The following CLASP1 variants were observed in gnomAD, a reference collection of about 807,000 sequenced individuals.
The protein encoded by CLASP1 is CLIP-associating protein 1.
Under a neutral mutation model 192.3 loss-of-function variants are expected in CLASP1, and 38 were observed. That is an observed-to-expected ratio of 0.20 (90% confidence interval 0.15 to 0.26). The LOEUF (loss-of-function observed/expected upper bound fraction) is 0.26. Ranked by LOEUF, CLASP1 falls within the 10% of genes least tolerant of loss-of-function variation. The pLI is 1.00. For synonymous variants in CLASP1, 691 were observed against 712.8 expected (o/e 0.97, Z 0.49); for missense variants, 1,433 against 1,932.5 (o/e 0.74, Z 4.85).
At chr2:121,418,530 A>T in intron 23 of CLASP1, 92 bp downstream of exon 23, 1 of 839,154 alleles carries the variant, frequency 1.2e-6, no homozygotes, top group Non-Finnish European at 2.0e-6. Flanking sequence ...AGGACAGTAG[A>T]GGAGGAAAAG....
At chr2:121,549,299 A>C (rs541360756) in intron 2 of CLASP1, among the ~76,000 whole-genome samples, 1 of 152,342 alleles carries the variant, frequency 6.6e-6, no homozygotes, top group Non-Finnish European at 1.5e-5. Flanking sequence ...CTAATTTCAG[A>C]CAAAGAGACT....
chr2:121,402,753 T>C (rs1574373028), intron 26 of CLASP1: 4 of 464,830 alleles, frequency 8.6e-6, no homozygotes, highest in African/African-American at 2.0e-5. Flanking sequence ...ATTATGCTTA[T>C]GAGTTAAATC....
chr2:121,529,372 T>C (rs931314337), intron 3 of CLASP1, among the ~76,000 whole-genome samples: 1 of 152,214 alleles, frequency 6.6e-6, no homozygotes, highest in Admixed American at 6.5e-5. Flanking sequence ...TATCCCTGAA[T>C]AATTCAGCTA....
chr2:121,579,499 T>G (rs1351871125), intron 2 of CLASP1, among the ~76,000 whole-genome samples: 1 of 152,178 alleles, frequency 6.6e-6, no homozygotes, highest in Non-Finnish European at 1.5e-5. Context: ...CTCCTCTCAG[T>G]CCCTGGCAAC....
At chr2:121,415,712 T>TCCACACAAAATAAAAA (rs1371463621) in intron 23 of CLASP1, among the ~76,000 whole-genome samples, 16 of 152,296 alleles carry the variant, frequency 1.1e-4, no homozygotes, top group African/African-American at 3.6e-4. Context: ...AATTTATAGG[T>TCCACACAAAATAAAAA]TTAACAAAAT....
chr2:121,642,845 T>C (rs2072404717), intron 1 of CLASP1, among the ~76,000 whole-genome samples: 1 of 152,160 alleles, frequency 6.6e-6, no homozygotes. Context: ...CCATAAAACA[T>C]GCAAGACCTA....
chr2:121,540,785 C>CAA (rs796543798), intron 2 of CLASP1, among the ~76,000 whole-genome samples: 3 of 85,392 alleles, frequency 3.5e-5, no homozygotes, highest in African/African-American at 1.7e-4. Flanking sequence ...AGACTCCATC[C>CAA]AAAAAAAAAA....
chr2:121,530,853 G>A (rs1273521187), intron 2 of CLASP1: 2 of 668,866 alleles, frequency 3.0e-6, no homozygotes, highest in Middle Eastern at 3.8e-4. Flanking sequence ...GGCGCTTCCT[G>A]CTTGCAGCCC....
intron 18 of CLASP1, 131 bp downstream of exon 18, chr2:121,448,145 C>T: frequency 2.7e-6 from 2 of 747,838 alleles, no homozygotes; most frequent in Non-Finnish European, 4.7e-6. Flanking sequence ...CAGGGCAGAG[C>T]AGGCAACATT....
chr2:121,527,383 A>G (rs2094599316), intron 5 of CLASP1, among the ~76,000 whole-genome samples: 1 of 152,262 alleles, frequency 6.6e-6, no homozygotes, highest in Non-Finnish European at 1.5e-5. Context: ...TCAAAAGGTT[A>G]CATATTGTAT....
At position 121,577,963 on chromosome 2, in the gene CLASP1, C is replaced by T. The variant is rs146403519; in HGVS notation, c.195+27738G>A. 6.7e-3 allele frequency among the ~76,000 whole-genome samples: 1,026 copies of T among 152,190 alleles called. 9 individuals are homozygous for T. The highest frequency in any genetic ancestry group is 0.027 in the Middle Eastern group (8 of 292). On this transcript the variant is annotated intron_variant, in intron 2 of 39. Coordinates refer to ENST00000263710, the Ensembl canonical transcript of CLASP1. ...TAATTGACTGATTGAGAAAGAGTCT[C>T]ACTCTGTCACCCAGGCTAGAGGGCA...
At chr2:121,404,671 T>A (rs965852310) in intron 25 of CLASP1, among the ~76,000 whole-genome samples, 2 of 152,178 alleles carry the variant, frequency 1.3e-5, no homozygotes, top group Admixed American at 1.3e-4. Flanking sequence ...ATAATTCGTA[T>A]CTACATAACA....
At chr2:121,494,162 A>C (rs2093434965) in intron 8 of CLASP1, among the ~76,000 whole-genome samples, 1 of 152,252 alleles carries the variant, frequency 6.6e-6, no homozygotes, top group South Asian at 2.1e-4. Flanking sequence ...TGTTTACTGC[A>C]GCACTGTTCA....
At chr2:121,345,260 G>A (rs570433309) in intron 39 of CLASP1, among the ~76,000 whole-genome samples, 134 of 152,298 alleles carry the variant, frequency 8.8e-4, no homozygotes, top group African/African-American at 3.0e-3. Flanking sequence ...ACTGGGGGAG[G>A]GAAGGCGCTG....
intron 2 of CLASP1, among the ~76,000 whole-genome samples, chr2:121,580,322 C>A (rs1252100803): frequency 3.9e-5 from 6 of 152,146 alleles, no homozygotes; most frequent in African/African-American, 1.4e-4. Context: ...TTAATCATAT[C>A]CTGACAAATA....
At chr2:121,550,455 GGA>G (rs2057931663) in intron 2 of CLASP1, among the ~76,000 whole-genome samples, 1 of 151,730 alleles carries the variant, frequency 6.6e-6, no homozygotes, top group Non-Finnish European at 1.5e-5. Flanking sequence ...GACAAATCCG[GGA>G]GGTTTTAAAA....
chr2:121,465,491 C>G (rs2089358958), intron 9 of CLASP1, among the ~76,000 whole-genome samples: 1 of 152,118 alleles, frequency 6.6e-6, no homozygotes, highest in South Asian at 2.1e-4. Context: ...TTAAGGAGAA[C>G]TACAAACCAC....
At chr2:121,544,909 T>TTTC (rs1244041307) in intron 2 of CLASP1, among the ~76,000 whole-genome samples, 1 of 354 alleles carries the variant, frequency 2.8e-3, no homozygotes, top group Admixed American at 0.033. Flanking sequence ...TTTCTTTTCT[T>TTTC]TTTTTTTTTT....
At chr2:121,642,330 G>A (rs550728661) in intron 1 of CLASP1, among the ~76,000 whole-genome samples, 1 of 148,730 alleles carries the variant, frequency 6.7e-6, no homozygotes, top group Non-Finnish European at 1.5e-5. Flanking sequence ...GAGGTGGAAG[G>A]TCAAGGCTGC....
Sources: gnomAD v4.1 joint callset for allele counts (sites outside exome capture counted in the v4.1 genomes callset) on GRCh38, gnomAD v4.1.1 for gene constraint, MANE v1.5 for transcripts, NCBI Gene and HGNC (gene_info 2026-07-23, HGNC 2026-07-21) for gene names.